Variants in SH2D4B observed in about 807,000 individuals in gnomAD.
SH2D4B encodes SH2 domain-containing protein 4B.
In SH2D4B, 45 loss-of-function variants were observed where a neutral mutation model predicts 61.5. That is an observed-to-expected ratio of 0.73 (90% confidence interval 0.58 to 0.94). SH2D4B has a LOEUF of 0.94. SH2D4B is among the 40% of genes least tolerant of loss of function. SH2D4B has a pLI of 0.00. For synonymous variants in SH2D4B, 224 were observed against 220.4 expected, an observed-to-expected ratio of 1.02 and a Z score of -0.14; for missense variants, 572 against 574.2, an observed-to-expected ratio of 1.00 and a Z score of 0.04.
intron 3 of SH2D4B, among the ~76,000 whole-genome samples, chr10:80,582,831 C>T (rs79470528): frequency 0.11 from 17,370 of 152,192 alleles, 1,157 homozygotes; most frequent in East Asian, 0.25. Context: ...CTGCTTGCAG[C>T]CTGCTCCCCT....
chr10:80,605,101 C>T lies in SH2D4B; in HGVS notation c.860+1306C>T, dbSNP rs1371950442. ...AGCCACTGCGTCCGGCTCTGTTCTT[C>T]GTTTTTTATGTATCCACTCACTTTG... is the stretch of plus-strand genomic sequence containing the variant. On this transcript the variant is annotated intron_variant, in intron 5 of 7. Transcript: ENST00000646907. 2.6e-5 allele frequency among the ~76,000 whole-genome samples: 4 copies of T among 151,982 alleles called. No homozygotes were observed. The East Asian group carries it at 5.8e-4, about 22-fold the overall frequency.
intron 2 of SH2D4B, among the ~76,000 whole-genome samples, chr10:80,571,047 A>C (rs563357470): frequency 6.6e-6 from 1 of 151,830 alleles, no homozygotes; most frequent in East Asian, 1.9e-4. Context: ...CTAATTTTTC[A>C]AATTTTTAGT....
chr10:80,643,740 A>C (rs4934388), intron 7 of SH2D4B, among the ~76,000 whole-genome samples: 1 of 151,432 alleles, frequency 6.6e-6, no homozygotes, highest in Non-Finnish European at 1.5e-5. Context: ...CCCCTCCTGC[A>C]TGTCTTTTGT....
chr10:80,571,409 A>G (rs1237962332), intron 2 of SH2D4B, 22 bp from the exon 3 acceptor site: 2 of 1,612,288 alleles, frequency 1.2e-6, no homozygotes, highest in East Asian at 2.2e-5. Flanking sequence ...ACAAGCTTAT[A>G]CCTGTGGTGC....
At chr10:80,586,404 T>G (rs1244254264) in intron 3 of SH2D4B, among the ~76,000 whole-genome samples, 1 of 137,888 alleles carries the variant, frequency 7.3e-6, no homozygotes, top group Non-Finnish European at 1.5e-5. Context: ...CAATCGGCAC[T>G]CTGTATCTAG....
At chr10:80,589,363 G>A (rs1052750077) in intron 4 of SH2D4B, among the ~76,000 whole-genome samples, 6 of 152,108 alleles carry the variant, frequency 3.9e-5, no homozygotes, top group African/African-American at 9.7e-5. Context: ...GTGAGACCCT[G>A]TCTCTACAAA....
intron 1 of SH2D4B, among the ~76,000 whole-genome samples, chr10:80,557,149 C>T (rs922212053): frequency 1.2e-4 from 18 of 152,004 alleles, no homozygotes; most frequent in Non-Finnish European, 2.4e-4. Flanking sequence ...CTGAGATGAT[C>T]ATAATTTGTT....
chr10:80,619,442 G>A (rs910113935), intron 6 of SH2D4B, among the ~76,000 whole-genome samples: 9 of 152,196 alleles, frequency 5.9e-5, no homozygotes, highest in African/African-American at 2.2e-4. Context: ...GCAGCCTCAG[G>A]TGCTTGGGCC....
intron 7 of SH2D4B, among the ~76,000 whole-genome samples, chr10:80,639,327 G>A (rs370710079): frequency 6.6e-6 from 1 of 152,200 alleles, no homozygotes; most frequent in Admixed American, 6.5e-5. Flanking sequence ...CTGAGTTCAA[G>A]TCCTGGATAT....
chr10:80,590,392 T>C (rs1842312557), intron 4 of SH2D4B, among the ~76,000 whole-genome samples: 1 of 152,214 alleles, frequency 6.6e-6, no homozygotes, highest in East Asian at 1.9e-4. Context: ...AGCCCTTTAC[T>C]GTCCCTACGA....
At chr10:80,571,126 C>G (rs1000306809) in intron 2 of SH2D4B, among the ~76,000 whole-genome samples, 3 of 152,190 alleles carry the variant, frequency 2.0e-5, no homozygotes, top group African/African-American at 7.2e-5. Context: ...CCTCCTGCCA[C>G]TGCCTCCCAA....
chr10:80,541,334 G>T (rs1841575835), intron 1 of SH2D4B, among the ~76,000 whole-genome samples: 1 of 152,144 alleles, frequency 6.6e-6, no homozygotes, highest in Non-Finnish European at 1.5e-5. Context: ...TCTTGTTCTT[G>T]TTTTAGCTGT....
chr10:80,577,081 A>T (rs1337227611), intron 3 of SH2D4B, among the ~76,000 whole-genome samples: 3 of 152,160 alleles, frequency 2.0e-5, no homozygotes, highest in South Asian at 2.1e-4. Flanking sequence ...ACAACTTTTG[A>T]GGAAAGACTA....
At chr10:80,546,756 T>G (rs553088441) in intron 1 of SH2D4B, among the ~76,000 whole-genome samples, 4 of 151,478 alleles carry the variant, frequency 2.6e-5, no homozygotes, top group Admixed American at 6.6e-5. Flanking sequence ...CTCAATCTCC[T>G]GACCTCATGA....
intron 3 of SH2D4B, among the ~76,000 whole-genome samples, chr10:80,583,776 A>G (rs1842212470): frequency 6.6e-6 from 1 of 152,214 alleles, no homozygotes; most frequent in Admixed American, 6.5e-5. Flanking sequence ...ATAAGGAAAA[A>G]CAAGAAATTA....
intron 6 of SH2D4B, among the ~76,000 whole-genome samples, chr10:80,623,257 A>C (rs1283859212): frequency 6.6e-6 from 1 of 152,174 alleles, no homozygotes; most frequent in Non-Finnish European, 1.5e-5. Flanking sequence ...ATTGCCTTAC[A>C]GTTCTGGAGG....
chr10:80,567,935 C>T (rs74143175), intron 1 of SH2D4B, among the ~76,000 whole-genome samples: 7,837 of 152,184 alleles, frequency 0.051, 616 homozygotes, highest in African/African-American at 0.18. Flanking sequence ...GGCTTCTGTT[C>T]GCTTCCATGT....
chr10:80,555,478 C>T (rs987251519), intron 1 of SH2D4B, among the ~76,000 whole-genome samples: 2 of 152,190 alleles, frequency 1.3e-5, no homozygotes, highest in Non-Finnish European at 2.9e-5. Flanking sequence ...TCCATGTGGC[C>T]TTCCATTTCC....
intron 5 of SH2D4B, among the ~76,000 whole-genome samples, chr10:80,608,218 G>A (rs1199133135): frequency 6.6e-6 from 1 of 152,156 alleles, no homozygotes; most frequent in Non-Finnish European, 1.5e-5. Flanking sequence ...GTATGACAGA[G>A]GAAATGGAGG....
Sources: gnomAD v4.1 joint callset for allele counts (sites outside exome capture counted in the v4.1 genomes callset) on GRCh38, gnomAD v4.1.1 for gene constraint, MANE v1.5 for transcripts, NCBI Gene and HGNC (gene_info 2026-07-23, HGNC 2026-07-21) for gene names.